LTBP1: variants seen among roughly 807,000 people sequenced by gnomAD.
LTBP1 encodes the protein latent transforming growth factor beta binding protein 1.
LTBP1 carries 129 observed loss-of-function variants against 207.6 expected under a neutral mutation model. That is an observed-to-expected ratio of 0.62 (90% confidence interval 0.54 to 0.72). The LOEUF (loss-of-function observed/expected upper bound fraction) is 0.72, where lower values mean the gene tolerates loss of function less well. Among genes scored for constraint, LTBP1 ranks in the 30% least tolerant of loss-of-function variants. The pLI is 0.00. For missense variants in LTBP1, 2,281 were observed against 2,217.2 expected (o/e 1.03, Z -0.58); for synonymous variants, 963 against 833.7 (o/e 1.16, Z -2.67).
intron 7 of LTBP1, among the ~76,000 whole-genome samples, chr2:33,193,607 C>A (rs74636980): frequency 0.031 from 4,648 of 152,250 alleles, 102 homozygotes; most frequent in Middle Eastern, 0.14. Flanking sequence ...GGCAGCCTTG[C>A]TTATAGGCAA....
intron 5 of LTBP1, among the ~76,000 whole-genome samples, chr2:33,150,710 C>CTTTTTTTTTTTTTTTT: frequency 1.4e-5 from 1 of 69,278 alleles, no homozygotes; most frequent in Non-Finnish European, 2.6e-5. Flanking sequence ...TTTTCTTTTT[C>CTTTTTTTTTTTTTTTT]TTTTTTTTTT....
intron 2 of LTBP1, among the ~76,000 whole-genome samples, chr2:32,982,238 G>C (rs921243857): frequency 6.6e-6 from 1 of 152,184 alleles, no homozygotes; most frequent in Non-Finnish European, 1.5e-5. Flanking sequence ...ACTTAAAAAA[G>C]AGACTGGTGG....
chr2:33,354,772 C>T (rs1400319396), intron 26 of LTBP1, among the ~76,000 whole-genome samples: 9 of 151,870 alleles, frequency 5.9e-5, no homozygotes, highest in Admixed American at 2.0e-4. Context: ...GACAGGATCT[C>T]GCTCTGTTGC....
chr2:33,290,357 A>G (rs1192428890), intron 19 of LTBP1, among the ~76,000 whole-genome samples: 1 of 152,150 alleles, frequency 6.6e-6, no homozygotes, highest in South Asian at 2.1e-4. Flanking sequence ...GATCTTCCCA[A>G]GGGTTGGAAG....
chr2:33,148,561 C>T (rs1437916829), intron 5 of LTBP1, among the ~76,000 whole-genome samples: 1 of 152,122 alleles, frequency 6.6e-6, no homozygotes, highest in Admixed American at 6.5e-5. Context: ...ATTACATTTC[C>T]TTCACCTCAC....
At chr2:33,391,176 A>T (rs1186909300) in intron 32 of LTBP1, among the ~76,000 whole-genome samples, 3 of 152,022 alleles carry the variant, frequency 2.0e-5, no homozygotes, top group African/African-American at 7.2e-5. Flanking sequence ...TAGGCTGCTT[A>T]ACACACGCCT....
chr2:33,237,982 A>C (rs552230629), intron 9 of LTBP1, among the ~76,000 whole-genome samples: 2 of 152,280 alleles, frequency 1.3e-5, no homozygotes, highest in South Asian at 4.1e-4. Flanking sequence ...ACCCTATAGA[A>C]TATCTTCATG....
At chr2:33,255,054 T>A (rs1310184548) in intron 11 of LTBP1, among the ~76,000 whole-genome samples, 1 of 131,892 alleles carries the variant, frequency 7.6e-6, no homozygotes, top group Non-Finnish European at 1.6e-5. Context: ...ATTAGGTATA[T>A]CTCCCAGTGC....
intron 31 of LTBP1, among the ~76,000 whole-genome samples, chr2:33,378,156 G>A (rs563088492): frequency 3.3e-5 from 5 of 150,856 alleles, no homozygotes; most frequent in African/African-American, 1.2e-4. Flanking sequence ...ATTTGGTCTA[G>A]TGAACATTTT....
chr2:33,391,173 C>A (rs6757228), intron 32 of LTBP1, among the ~76,000 whole-genome samples: 67,451 of 150,722 alleles, frequency 0.45, 16,197 homozygotes, highest in African/African-American at 0.63. Flanking sequence ...AGCTAGGCTG[C>A]TTAACACACG....
At chr2:32,951,096 C>T (rs1368534459) in intron 2 of LTBP1, among the ~76,000 whole-genome samples, 3 of 152,156 alleles carry the variant, frequency 2.0e-5, no homozygotes, top group African/African-American at 7.2e-5. Context: ...GAGGAAGTTG[C>T]TATGTTGGTT....
At chr2:33,069,590 G>A (rs2077686817) in intron 3 of LTBP1, among the ~76,000 whole-genome samples, 1 of 152,226 alleles carries the variant, frequency 6.6e-6, no homozygotes, top group African/African-American at 2.4e-5. Flanking sequence ...CAGCCTGGAA[G>A]TTGTCAGTCA....
At chr2:33,206,141 A>G (rs1407915973) in intron 7 of LTBP1, among the ~76,000 whole-genome samples, 1 of 152,222 alleles carries the variant, frequency 6.6e-6, no homozygotes, top group African/African-American at 2.4e-5. Context: ...TGTTTCTGCC[A>G]GAAGAGTCAG....
At chr2:33,359,459 T>G (rs919107193) in intron 26 of LTBP1, among the ~76,000 whole-genome samples, 5 of 152,228 alleles carry the variant, frequency 3.3e-5, no homozygotes, top group South Asian at 4.1e-4. Context: ...CTTGCTAATA[T>G]AATTATCTAC....
rs190545842 is a variant in LTBP1, at chr2:33,396,752, G to A, written c.4835-381G>A. The stretch of plus-strand genomic sequence containing the variant: ...TCTTAGCAAATGCTTACTAGACTCC[G>A]ATAGTGAATTCTGTTGGTTCTGTTC... On this transcript the variant is annotated intron_variant, in intron 32 of 33. Transcript: ENST00000404816. Among the ~76,000 whole-genome samples the A allele has an allele frequency of 1.3e-3, 203 of 152,300 alleles. 3 individuals are homozygous for A. The highest frequency in any genetic ancestry group is 0.012 in the Admixed American group (185 of 15,298).
chr2:33,221,279 G>A (rs763191791), intron 8 of LTBP1, among the ~76,000 whole-genome samples: 1 of 152,160 alleles, frequency 6.6e-6, no homozygotes, highest in African/African-American at 2.4e-5. Context: ...TACCCTCATT[G>A]TATAGAATTT....
intron 22 of LTBP1, among the ~76,000 whole-genome samples, chr2:33,303,996 C>A (rs570568022): frequency 6.6e-6 from 1 of 152,224 alleles, no homozygotes; most frequent in African/African-American, 2.4e-5. Flanking sequence ...CATTGGAGGG[C>A]ATGTTCCTCG....
At chr2:33,143,518 A>G (rs987817467) in intron 5 of LTBP1, among the ~76,000 whole-genome samples, 1 of 152,232 alleles carries the variant, frequency 6.6e-6, no homozygotes, top group Non-Finnish European at 1.5e-5. Flanking sequence ...GTTTAGGGGC[A>G]TAGGAAATAG....
intron 5 of LTBP1, among the ~76,000 whole-genome samples, chr2:33,179,654 T>C (rs1355612429): frequency 1.4e-5 from 2 of 138,090 alleles, no homozygotes; most frequent in African/African-American, 7.1e-5. Context: ...GTTAAAACTT[T>C]TAGAAATTTA....
Sources: gnomAD v4.1 joint callset for allele counts (sites outside exome capture counted in the v4.1 genomes callset) on GRCh38, gnomAD v4.1.1 for gene constraint, MANE v1.5 for transcripts, NCBI Gene and HGNC (gene_info 2026-07-23, HGNC 2026-07-21) for gene names.